Variants in DRD3 observed in about 807,000 individuals in gnomAD.
The protein encoded by DRD3 is dopamine receptor D3.
DRD3 carries 19 observed loss-of-function variants against 36.3 expected under a neutral mutation model. The observed-to-expected ratio is 0.52, with a 90% CI of 0.36 to 0.77. The LOEUF is 0.77. Among genes scored for constraint, DRD3 ranks in the 30% least tolerant of loss-of-function variants. The probability of loss-of-function intolerance (pLI) is 0.00; values close to 1 mark genes in which losing one functional copy is unlikely to be tolerated. For missense variants in DRD3, 465 were observed against 505.3 expected, an observed-to-expected ratio of 0.92 and a Z score of 0.77; for synonymous variants, 195 against 203.7, an observed-to-expected ratio of 0.96 and a Z score of 0.36.
At chr3:114,173,461 C>T (rs944783913) in intron 1 of DRD3, among the ~76,000 whole-genome samples, 5 of 152,180 alleles carry the variant, frequency 3.3e-5, no homozygotes, top group Non-Finnish European at 5.9e-5. Flanking sequence ...GAGCCTGTTT[C>T]CAAGACATCA....
Position 114,169,521 on chromosome 3 carries a change from T to C in DRD3, c.270+2202A>G, listed in dbSNP as rs142655914. ...AAGATCAAATGTAAAAATTATGATCTTGATCACTGAATACCTACATGAAAT... is the reference window on the plus strand; with the variant it reads ...AAGATCAAATGTAAAAATTATGATCCTGATCACTGAATACCTACATGAAAT... On this transcript the variant is annotated intron_variant, in intron 2 of 6. Transcript: ENST00000383673. Among the ~76,000 whole-genome samples, 452 of 152,118 alleles carry C rather than the reference T, an allele frequency of 3.0e-3. 5 individuals are homozygous for C. Among genetic ancestry groups the C allele is most frequent in the African/African-American group, 9.9e-3 (411 of 41,524 alleles).
chr3:114,163,680 G>A (rs2077754445), intron 2 of DRD3, among the ~76,000 whole-genome samples: 1 of 152,176 alleles, frequency 6.6e-6, no homozygotes, highest in African/African-American at 2.4e-5. Context: ...TCTAATGAGT[G>A]CCCAAGATAT....
At chr3:114,143,068 G>A (rs942777270) in intron 4 of DRD3, among the ~76,000 whole-genome samples, 6 of 152,236 alleles carry the variant, frequency 3.9e-5, no homozygotes, top group Non-Finnish European at 7.3e-5. Context: ...AAGAGGTAAG[G>A]AAAGCTGTAA....
rs1449857750 is a variant in DRD3, at chr3:114,188,240, GTCTC to G, written c.-155-9468_-155-9465del. Among the ~76,000 whole-genome samples the G allele has an allele frequency of 1.6e-4, 21 of 130,268 alleles. No individual in the cohort carries two copies. The East Asian group carries it at 3.9e-3, about 24-fold the overall frequency. 85.5% of individuals were successfully genotyped at this position (130,268 alleles called of 152,430 possible). A position where few individuals can be genotyped will look rare whatever the true frequency, so the allele number is the denominator to read the frequency against. ...TTTTTTTTTTTTTTTTTGAGATGGA[GTCTC>G]TCTCTGTCACCCATGCTAGAGTGCA... On this transcript the variant is annotated intron_variant, in intron 1 of 7. Transcript: ENST00000460779.
intron 2 of DRD3, among the ~76,000 whole-genome samples, chr3:114,170,939 C>T (rs1262649683): frequency 1.3e-5 from 2 of 152,086 alleles, no homozygotes; most frequent in South Asian, 4.1e-4. Context: ...ATATCTGTTT[C>T]TTGAACAGAT....
intron 3 of DRD3, among the ~76,000 whole-genome samples, chr3:114,158,865 G>A (rs2077706357): frequency 6.6e-6 from 1 of 152,158 alleles, no homozygotes; most frequent in Non-Finnish European, 1.5e-5. Context: ...AAGTGGGAGG[G>A]AGAGAACTCA....
intron 4 of DRD3, among the ~76,000 whole-genome samples, chr3:114,142,165 G>A (rs970659504): frequency 6.6e-6 from 1 of 152,136 alleles, no homozygotes; most frequent in Admixed American, 6.6e-5. Flanking sequence ...GAGAGGGATA[G>A]GGTGGCAGTG....
intron 2 of DRD3, among the ~76,000 whole-genome samples, chr3:114,170,142 CAT>C (rs2077825383): frequency 6.6e-6 from 1 of 152,204 alleles, no homozygotes; most frequent in Non-Finnish European, 1.5e-5. Context: ...AGAAATATCA[CAT>C]GCTTCGAAAT....
Position 114,128,592 on chromosome 3 carries a change from G to T in DRD3, c.*124C>A. The T allele has an allele frequency of 2.1e-6, 2 of 957,342 alleles. No homozygotes were observed. Among genetic ancestry groups the T allele is most frequent in the Non-Finnish European group, 3.0e-6 (2 of 669,656 alleles). The allele number at this position is 957,342 out of a possible 1,614,324, so 59.3% of individuals were successfully genotyped here. On this transcript the variant is annotated 3_prime_UTR_variant, in exon 7 of 7. Transcript: ENST00000383673. Reference sequence around the variant, plus strand: ...ACATCTGGTTATACCTGACAAGCAGGGACATCCTGGCTCCAGGAATCTTCT... The same window carrying T: ...ACATCTGGTTATACCTGACAAGCAGTGACATCCTGGCTCCAGGAATCTTCT...
At chr3:114,183,975 T>A (rs2077961431), upstream of DRD3, among the ~76,000 whole-genome samples, 2 of 152,190 alleles carry the variant, frequency 1.3e-5, no homozygotes, top group South Asian at 4.1e-4. Flanking sequence ...AAATTACTGA[T>A]AAAGAAGGAC....
intron 2 of DRD3, among the ~76,000 whole-genome samples, chr3:114,170,992 T>C (rs1337772032): frequency 6.6e-6 from 1 of 152,220 alleles, no homozygotes; most frequent in Non-Finnish European, 1.5e-5. Context: ...GTGTTTTGTC[T>C]TGACCACCCC....
intron 2 of DRD3, among the ~76,000 whole-genome samples, chr3:114,166,297 T>G (rs1015763550): frequency 6.6e-6 from 1 of 152,160 alleles, no homozygotes; most frequent in Non-Finnish European, 1.5e-5. Flanking sequence ...ACAGTTTGTA[T>G]TTTTAACAAG....
chr3:114,192,208 C>G (rs1233546709), intron 1 of DRD3, among the ~76,000 whole-genome samples: 2 of 152,174 alleles, frequency 1.3e-5, no homozygotes, highest in Non-Finnish European at 2.9e-5. Flanking sequence ...ATTAGGGAAG[C>G]TGTCAGTTAT....
upstream of DRD3, among the ~76,000 whole-genome samples, chr3:114,181,924 G>A (rs905222792): frequency 1.3e-5 from 2 of 152,182 alleles, no homozygotes; most frequent in Non-Finnish European, 2.9e-5. Flanking sequence ...AGGACAGTAT[G>A]GAGACTAAAT....
upstream of DRD3, among the ~76,000 whole-genome samples, chr3:114,179,565 G>A (rs376052592): frequency 2.8e-4 from 43 of 152,268 alleles, no homozygotes; most frequent in East Asian, 3.9e-3. Flanking sequence ...AAAGTGAGAT[G>A]CAACCAAGGA....
At chr3:114,199,127 AT>A (rs753205093) in intron 1 of DRD3, 2 of 152,098 alleles carry the variant, frequency 1.3e-5, no homozygotes, top group Non-Finnish European at 2.9e-5. Flanking sequence ...AAATTCACTA[AT>A]TTTTTCTTCC....
chr3:114,131,941 C>G (rs142040385), intron 5 of DRD3, among the ~76,000 whole-genome samples: 1 of 152,096 alleles, frequency 6.6e-6, no homozygotes, highest in African/African-American at 2.4e-5. Context: ...AGAATAGGCA[C>G]GCTTTTACAC....
Position 114,131,223 on chromosome 3 carries a change from G to C in DRD3, c.901C>G (p.Leu301Val). 1 of 1,614,200 alleles carries C rather than the reference G, an allele frequency of 6.2e-7. No homozygotes were observed. The highest frequency in any genetic ancestry group is 8.5e-7 in the Non-Finnish European group (1 of 1,180,036). Residue 301 changes from leucine (L) to valine (V), a missense_variant, in exon 6 of 7, where the codon CTC (leucine) becomes GTC (valine). Transcript: ENST00000383673. ...APKLSLEVRK[L>V]SNGRLSTSLK... ...GATGTCGATAATCTGCCATTGCTGAGTTTTCGAACTTCTAAGCTGAGCTTG... is the reference window on the plus strand; with the variant it reads ...GATGTCGATAATCTGCCATTGCTGACTTTTCGAACTTCTAAGCTGAGCTTG...
At chr3:114,198,179 GTCTTAT>G (rs1281509194) in intron 1 of DRD3, among the ~76,000 whole-genome samples, 2 of 151,042 alleles carry the variant, frequency 1.3e-5, no homozygotes, top group African/African-American at 4.9e-5. Flanking sequence ...TTAAGAAAAT[GTCTTAT>G]TCTTAATGCT....
Sources: gnomAD v4.1 joint callset for allele counts (sites outside exome capture counted in the v4.1 genomes callset) on GRCh38, gnomAD v4.1.1 for gene constraint, MANE v1.5 for transcripts, NCBI Gene and HGNC (gene_info 2026-07-23, HGNC 2026-07-21) for gene names.